The following HPSE2 variants were observed in gnomAD, a reference collection of about 807,000 sequenced individuals.
HPSE2 encodes the protein inactive heparanase-2.
A neutral mutation model predicts 60.5 loss-of-function variants in HPSE2; 38 were observed. That is an observed-to-expected ratio of 0.63 (90% CI 0.48 to 0.82). The LOEUF (loss-of-function observed/expected upper bound fraction) is 0.82. Among genes scored for constraint, HPSE2 ranks in the 40% least tolerant of loss-of-function variants. HPSE2 has a pLI of 0.00. For synonymous variants in HPSE2, 295 were observed against 293.2 expected (o/e 1.01, Z -0.06); for missense variants, 713 against 740.4 (o/e 0.96, Z 0.43).
At chr10:98,472,731 A>G (rs1940830354) in intron 11 of HPSE2, among the ~76,000 whole-genome samples, 1 of 152,260 alleles carries the variant, frequency 6.6e-6, no homozygotes. Flanking sequence ...TGATTTCAAG[A>G]ATGTAAATTC....
rs531199113 is a variant in HPSE2 at position 98,901,222 on chromosome 10, A to G, written c.611-157166T>C. 7.2e-5 allele frequency among the ~76,000 whole-genome samples: 11 copies of G among 152,324 alleles called. No homozygotes were observed. The South Asian group carries it at 2.3e-3, about 32-fold the overall frequency. Reference sequence around the variant, plus strand: ...GCTGGGGATGGAGGAGGTGTTAGCCAAGGAGGAGCACAACAACACTTTTGG... The same window carrying G: ...GCTGGGGATGGAGGAGGTGTTAGCCGAGGAGGAGCACAACAACACTTTTGG... On this transcript the variant is annotated intron_variant, in intron 3 of 11. Transcript: ENST00000370552.
intron 3 of HPSE2, among the ~76,000 whole-genome samples, chr10:99,001,614 A>G (rs1956778317): frequency 6.6e-6 from 1 of 152,148 alleles, no homozygotes; most frequent in Non-Finnish European, 1.5e-5. Flanking sequence ...TACTGACAGA[A>G]AAGATACTTT....
chr10:98,698,559 C>A (rs562384389), intron 5 of HPSE2, among the ~76,000 whole-genome samples: 2 of 151,874 alleles, frequency 1.3e-5, no homozygotes, highest in African/African-American at 2.4e-5. Context: ...AAATTGACAC[C>A]CTAACATCCC....
intron 3 of HPSE2, among the ~76,000 whole-genome samples, chr10:98,781,832 C>T (rs1950477832): frequency 1.3e-5 from 2 of 151,488 alleles, no homozygotes; most frequent in Admixed American, 1.3e-4. Flanking sequence ...AGTCATTTCA[C>T]TTCTAGAAAT....
intron 4 of HPSE2, among the ~76,000 whole-genome samples, chr10:98,728,738 T>G (rs1403730735): frequency 6.6e-6 from 1 of 152,184 alleles, no homozygotes; most frequent in African/African-American, 2.4e-5. Context: ...GTGGGTGTGG[T>G]GGCTCATGCC....
chr10:98,976,579 T>C (rs1956090051), intron 3 of HPSE2, among the ~76,000 whole-genome samples: 1 of 152,180 alleles, frequency 6.6e-6, no homozygotes, highest in South Asian at 2.1e-4. Flanking sequence ...GAATTTAATA[T>C]ACTCTAACGA....
the HPSE2 span, among the ~76,000 whole-genome samples, chr10:99,271,114 TA>T: frequency 6.6e-6 from 1 of 152,078 alleles, no homozygotes; most frequent in Admixed American, 6.5e-5. Context: ...CTATTCAACA[TA>T]ATACTGGAAG....
the HPSE2 span, among the ~76,000 whole-genome samples, chr10:99,273,982 T>C: frequency 4.6e-5 from 7 of 152,230 alleles, no homozygotes; most frequent in Non-Finnish European, 8.8e-5. Context: ...AACCCAACAT[T>C]AATCAATCTG....
intron 3 of HPSE2, among the ~76,000 whole-genome samples, chr10:98,880,707 A>G (rs1343326411): frequency 6.6e-6 from 1 of 152,066 alleles, no homozygotes; most frequent in East Asian, 1.9e-4. Context: ...GAACCCAAGT[A>G]ACAAGTGTTG....
chr10:98,820,229 T>C (rs1951393422), intron 3 of HPSE2, among the ~76,000 whole-genome samples: 1 of 152,148 alleles, frequency 6.6e-6, no homozygotes, highest in South Asian at 2.1e-4. Flanking sequence ...TTGCAGTATG[T>C]TGATGACCTC....
intron 2 of HPSE2, among the ~76,000 whole-genome samples, chr10:99,224,832 G>A (rs1849421300): frequency 6.6e-6 from 1 of 151,972 alleles, no homozygotes; most frequent in African/African-American, 2.4e-5. Context: ...TACAAATGTG[G>A]GTCAGCATTA....
the HPSE2 span, among the ~76,000 whole-genome samples, chr10:99,280,484 C>T: frequency 3.3e-5 from 5 of 152,266 alleles, no homozygotes; most frequent in South Asian, 1.0e-3. Flanking sequence ...CAAATATCAA[C>T]TGCCTAATGA....
intron 3 of HPSE2, among the ~76,000 whole-genome samples, chr10:99,062,505 C>A (rs1842477463): frequency 6.6e-6 from 1 of 151,232 alleles, no homozygotes; most frequent in African/African-American, 2.4e-5. Context: ...TTTTAAATAG[C>A]TTTTTTTTTC....
chr10:98,608,059 C>T (rs1243265425), intron 9 of HPSE2, among the ~76,000 whole-genome samples: 1 of 152,064 alleles, frequency 6.6e-6, no homozygotes, highest in Non-Finnish European at 1.5e-5. Flanking sequence ...GAGGTAGACA[C>T]TATTATTGTC....
chr10:99,184,813 TATATATAGAGAGAG>T (rs1373915506), intron 2 of HPSE2, among the ~76,000 whole-genome samples: 33 of 30,962 alleles, frequency 1.1e-3, no homozygotes, highest in African/African-American at 2.1e-3. Flanking sequence ...TATATATATA[TATATATAGAGAGAG>T]AGAGAGAGAG....
intron 9 of HPSE2, among the ~76,000 whole-genome samples, chr10:98,598,277 AT>A (rs1394329954): frequency 1.3e-5 from 2 of 151,998 alleles, no homozygotes; most frequent in Non-Finnish European, 1.5e-5. Flanking sequence ...TGGTCCATAG[AT>A]GGGCTTGCTG....
intron 3 of HPSE2, among the ~76,000 whole-genome samples, chr10:98,905,863 T>C (rs1953800600): frequency 6.6e-6 from 1 of 152,138 alleles, no homozygotes; most frequent in African/African-American, 2.4e-5. Context: ...CACAATGCCC[T>C]TCAGGGTCAG....
intron 9 of HPSE2, among the ~76,000 whole-genome samples, chr10:98,545,603 A>C (rs1424749355): frequency 8.5e-5 from 13 of 152,188 alleles, no homozygotes; most frequent in African/African-American, 2.9e-4. Flanking sequence ...AAAATTCAAC[A>C]ACCCTTCATG....
chr10:98,482,857 A>C (rs1300665377), intron 10 of HPSE2, 75 bp from the exon 11 acceptor site: 2 of 1,507,822 alleles, frequency 1.3e-6, no homozygotes, highest in East Asian at 4.6e-5. Context: ...TAATTTATAG[A>C]CTGTACAAAA....
Sources: allele counts gnomAD v4.1 joint callset (sites outside exome capture counted in the v4.1 genomes callset), GRCh38; gene constraint gnomAD v4.1.1; transcripts MANE v1.5; gene names NCBI Gene and HGNC (gene_info 2026-07-23, HGNC 2026-07-21).